The following KALRN variants were observed in gnomAD, a reference collection of about 807,000 sequenced individuals.
The protein encoded by KALRN is kalirin RhoGEF kinase.
A neutral mutation model predicts 353.7 loss-of-function variants in KALRN; 70 were observed. The ratio of observed to expected loss-of-function variants is 0.20; its 90% confidence interval spans 0.16 to 0.24. KALRN has a LOEUF of 0.24. KALRN is among the 10% of genes least tolerant of loss of function. The pLI is 1.00. For synonymous variants in KALRN, 1,391 were observed against 1,434.8 expected, an observed-to-expected ratio of 0.97 and a Z score of 0.69; for missense variants, 2,791 against 3,756.7, an observed-to-expected ratio of 0.74 and a Z score of 6.72.
At chr3:124,195,532 T>C (rs527421560) in intron 1 of KALRN, among the ~76,000 whole-genome samples, 1 of 152,156 alleles carries the variant, frequency 6.6e-6, no homozygotes, top group African/African-American at 2.4e-5. Context: ...GAAATCTTTT[T>C]CCCCTCCTCC....
chr3:124,562,783 A>C, intron 33 of KALRN, 60 bp from the exon 34 acceptor site: 1 of 1,258,962 alleles, frequency 7.9e-7, no homozygotes, highest in East Asian at 5.7e-5. Flanking sequence ...CCTCTCCCAT[A>C]TTTCTCCCCC....
chr3:124,152,387 G>A, intron 1 of KALRN: 2 of 1,215,268 alleles, frequency 1.6e-6, no homozygotes, highest in South Asian at 2.4e-5. Flanking sequence ...CGGACCTTTG[G>A]GCTCACACTA....
chr3:124,085,071 C>T (rs970575486), intron 1 of KALRN, among the ~76,000 whole-genome samples: 1 of 152,186 alleles, frequency 6.6e-6, no homozygotes, highest in African/African-American at 2.4e-5. Context: ...CAGCTTCCCC[C>T]ACCTGATGCA....
At chr3:124,584,744 T>G in intron 34 of KALRN, 1 of 1,526,910 alleles carries the variant, frequency 6.5e-7, no homozygotes, top group Non-Finnish European at 8.8e-7. Flanking sequence ...GCGGCGGCGC[T>G]GAAGTTTCCT....
intron 1 of KALRN, among the ~76,000 whole-genome samples, chr3:124,166,013 G>C (rs192285540): frequency 6.6e-6 from 1 of 152,080 alleles, no homozygotes; most frequent in African/African-American, 2.4e-5. Flanking sequence ...CTCTGCCTGG[G>C]GTGTCTTCTT....
chr3:124,592,378 T>C (rs1173548021), intron 34 of KALRN, among the ~76,000 whole-genome samples: 1 of 151,650 alleles, frequency 6.6e-6, no homozygotes, highest in African/African-American at 2.4e-5. Context: ...ATCCTTCTCT[T>C]AGGGGCAACA....
At chr3:124,156,081 A>G (rs1177785779) in intron 1 of KALRN, among the ~76,000 whole-genome samples, 1 of 152,162 alleles carries the variant, frequency 6.6e-6, no homozygotes, top group Non-Finnish European at 1.5e-5. Context: ...GCCCTCATTC[A>G]TCCAGAGAAT....
intron 1 of KALRN, among the ~76,000 whole-genome samples, chr3:124,035,974 C>T (rs193049041): frequency 5.3e-4 from 81 of 152,358 alleles, no homozygotes; most frequent in Non-Finnish European, 8.4e-4. Context: ...GTGTGGCCCT[C>T]TATGCTTGGC....
rs563638803 is a variant in KALRN at position 124,175,440 on chromosome 3, C to T, written c.74-52550C>T. Among the ~76,000 whole-genome samples, 156 of 152,014 alleles carry T rather than the reference C, an allele frequency of 1.0e-3. 1 individual carries two copies. Among genetic ancestry groups the T allele is most frequent in the African/African-American group, 3.4e-3 (141 of 41,384 alleles). On this transcript the variant is annotated intron_variant, in intron 1 of 59. Transcript: ENST00000682506. ...AGATGCGCGCTGCCGAGGGTCCAGG[C>T]CTGCTCTCCAGGATGCGGAGGTGCG...
chr3:124,306,836 G>A (rs2077750992), intron 6 of KALRN, among the ~76,000 whole-genome samples: 1 of 152,032 alleles, frequency 6.6e-6, no homozygotes, highest in Admixed American at 6.6e-5. Flanking sequence ...AAAGGAAGTA[G>A]GACAACATAT....
intron 11 of KALRN, among the ~76,000 whole-genome samples, chr3:124,388,517 G>A (rs527706699): frequency 2.7e-4 from 41 of 152,266 alleles, no homozygotes; most frequent in African/African-American, 9.2e-4. Flanking sequence ...CTGATACACA[G>A]AGGTGCTCAA....
At chr3:124,154,956 A>G (rs1487778513) in intron 1 of KALRN, among the ~76,000 whole-genome samples, 1 of 152,244 alleles carries the variant, frequency 6.6e-6, no homozygotes, top group Admixed American at 6.5e-5. Context: ...ATAACGCCAC[A>G]TATATACAAC....
At chr3:124,504,479 C>A (rs1055587840) in intron 33 of KALRN, among the ~76,000 whole-genome samples, 7 of 152,160 alleles carry the variant, frequency 4.6e-5, no homozygotes, top group Admixed American at 4.6e-4. Context: ...TCCCATCCAC[C>A]CACTATGCTG....
chr3:124,290,966 T>C (rs1197503496), intron 5 of KALRN, among the ~76,000 whole-genome samples: 2 of 152,204 alleles, frequency 1.3e-5, no homozygotes, highest in African/African-American at 2.4e-5. Context: ...CTCTAAAATA[T>C]GAGCACAACA....
intron 1 of KALRN, among the ~76,000 whole-genome samples, chr3:124,037,275 A>T (rs930036461): frequency 6.6e-6 from 1 of 152,244 alleles, no homozygotes; most frequent in Non-Finnish European, 1.5e-5. Context: ...TTGTGGTGCT[A>T]TAAGTTAAAA....
rs1385366054 is a variant in KALRN, at chr3:124,462,543, C to T, written c.3941C>T (p.Thr1314Ile). The T allele has an allele frequency of 2.5e-6, 4 of 1,608,212 alleles. No homozygotes were observed. The change falls in exon 25 of 60, where the codon ACC becomes ATC. Residue 1314 changes from threonine (T) to isoleucine (I), a missense_variant. Around this residue, in one of 11 missense-constraint regions of KALRN, gnomAD observed 268 missense variants for 347.0 expected, o/e 0.77. Coordinates refer to ENST00000682506, the MANE Select transcript of KALRN (RefSeq NM_001388419.1). ...ECLETYLWEM[T>I]SGVEEIPPGI... Reference sequence around the variant, plus strand: ...TTACAGACCTACCTGTGGGAAATGACCAGTGGTGTGGAGGAGATCCCCCCT... The same window carrying T: ...TTACAGACCTACCTGTGGGAAATGATCAGTGGTGTGGAGGAGATCCCCCCT...
At chr3:124,118,443 G>A (rs1051928345) in intron 1 of KALRN, among the ~76,000 whole-genome samples, 1 of 152,018 alleles carries the variant, frequency 6.6e-6, no homozygotes, top group African/African-American at 2.4e-5. Flanking sequence ...GAGGGTTTCT[G>A]CAGGAGACTG....
chr3:124,463,014 G>C (rs980367832), intron 25 of KALRN, among the ~76,000 whole-genome samples: 1 of 152,150 alleles, frequency 6.6e-6, no homozygotes, highest in Admixed American at 6.5e-5. Flanking sequence ...TTCCATTGAA[G>C]TTTTCTATCA....
intron 6 of KALRN, 24 bp from the exon 7 acceptor site, chr3:124,325,956 T>C (rs1478520153): frequency 6.3e-7 from 1 of 1,600,000 alleles, no homozygotes. Context: ...CCTGCCCCAC[T>C]GAGCACTCTC....
Sources: gnomAD v4.1 joint callset for allele counts (sites outside exome capture counted in the v4.1 genomes callset) on GRCh38, gnomAD v4.1.1 for gene constraint, gnomAD v4.1.1 regional missense constraint, MANE v1.5 for transcripts, NCBI Gene and HGNC (gene_info 2026-07-23, HGNC 2026-07-21) for gene names.